TPRG1: variants seen among roughly 807,000 people sequenced by gnomAD.
TPRG1 encodes tumor protein p63-regulated gene 1 protein.
A neutral mutation model predicts 29.3 loss-of-function variants in TPRG1; 29 were observed. The observed-to-expected ratio is 0.99, with a 90% CI of 0.74 to 1.35. The LOEUF (loss-of-function observed/expected upper bound fraction) is 1.35. Among genes scored for constraint, TPRG1 ranks in the 40% most tolerant of loss-of-function variants. The pLI is 0.00. For missense variants in TPRG1, 327 were observed against 335.0 expected, an observed-to-expected ratio of 0.98 and a Z score of 0.19; for synonymous variants, 130 against 116.8, an observed-to-expected ratio of 1.11 and a Z score of -0.73.
In TPRG1 at chr3:189,004,791, C is replaced by A. The variant is rs1019372742; in HGVS notation, c.-660+31C>A. On this transcript the variant is annotated intron_variant, in intron 3 of 10. Transcript: ENST00000433971. ...TACGTGTATCACTAGAAATCTAGAT[C>A]TGGGGATTTAACCTCAGAAGCTTTC... 2.0e-5 allele frequency: 3 copies of A among 152,110 alleles called. No homozygotes were observed. In the East Asian group the frequency reaches 5.8e-4, roughly 29 times the overall value. The allele number at this position is 152,110 out of a possible 1,614,324, so 9.4% of individuals were successfully genotyped here.
chr3:189,272,368 A>T (rs1050016345), intron 4 of TPRG1, among the ~76,000 whole-genome samples: 18 of 152,256 alleles, frequency 1.2e-4, no homozygotes, highest in Admixed American at 9.8e-4. Context: ...GTGTGATTCT[A>T]GATGAGTTTC....
chr3:189,078,948 G>A (rs893571658), intron 4 of TPRG1, among the ~76,000 whole-genome samples: 12 of 152,148 alleles, frequency 7.9e-5, no homozygotes, highest in African/African-American at 2.7e-4. Flanking sequence ...TGTTTACATT[G>A]CTATTGAGGG....
Position 189,324,077 on chromosome 3 carries a change from T to C in TPRG1, c.*3257T>C, listed in dbSNP as rs1194126183. On this transcript the variant is annotated 3_prime_UTR_variant, in exon 6 of 6. Coordinates refer to ENST00000345063, the MANE Select transcript of TPRG1 (RefSeq NM_198485.4). ...GCCTGTTTGGAGGCCTGACCTTTGG[T>C]CATCTTAAGGTCATCTAAGGCAGAA... 1 of 152,110 alleles carries C rather than the reference T, an allele frequency of 6.6e-6. No homozygotes were observed. The highest frequency in any genetic ancestry group is 6.6e-5 in the Admixed American group (1 of 15,258). The allele number at this position is 152,110 out of a possible 1,614,324, so 9.4% of individuals were successfully genotyped here. A position where few individuals can be genotyped will look rare whatever the true frequency, so the allele number is the denominator to read the frequency against.
At chr3:189,302,394 G>A (rs935384652) in intron 4 of TPRG1, among the ~76,000 whole-genome samples, 4 of 152,130 alleles carry the variant, frequency 2.6e-5, no homozygotes, top group Non-Finnish European at 5.9e-5. Context: ...TTTCTATGAA[G>A]GATTTACTTA....
intron 3 of TPRG1, among the ~76,000 whole-genome samples, chr3:189,233,821 CTG>C (rs951554067): frequency 3.3e-5 from 5 of 152,112 alleles, no homozygotes; most frequent in African/African-American, 1.2e-4. Context: ...ATAGAGAAAA[CTG>C]TGATTAGGGC....
chr3:189,140,747 G>C (rs533114749), intron 3 of TPRG1, among the ~76,000 whole-genome samples: 1 of 152,174 alleles, frequency 6.6e-6, no homozygotes, highest in Non-Finnish European at 1.5e-5. Flanking sequence ...GGTATTTCAA[G>C]AGGGTAATCA....
upstream of TPRG1, among the ~76,000 whole-genome samples, chr3:189,167,696 G>A (rs1248585333): frequency 6.6e-6 from 1 of 152,198 alleles, no homozygotes; most frequent in Non-Finnish European, 1.5e-5. Flanking sequence ...AGAAAGTCAG[G>A]TGAGGATCTG....
intron 4 of TPRG1, among the ~76,000 whole-genome samples, chr3:189,289,873 C>CA (rs1560657779): frequency 6.6e-6 from 1 of 152,126 alleles, no homozygotes; most frequent in Non-Finnish European, 1.5e-5. Context: ...TCTCAGGTAA[C>CA]AGAGTTGTTA....
intron 1 of TPRG1, among the ~76,000 whole-genome samples, chr3:189,109,215 G>A (rs996936044): frequency 1.3e-5 from 2 of 152,112 alleles, no homozygotes; most frequent in African/African-American, 2.4e-5. Flanking sequence ...GATTTCTGTC[G>A]TCCGGAGGAA....
intron 3 of TPRG1, among the ~76,000 whole-genome samples, chr3:189,021,877 C>A (rs1019489664): frequency 6.6e-6 from 1 of 152,196 alleles, no homozygotes; most frequent in Non-Finnish European, 1.5e-5. Flanking sequence ...ACCAATGAGA[C>A]GTAGATTTGG....
At chr3:189,092,332 T>C (rs778870036) in intron 4 of TPRG1, among the ~76,000 whole-genome samples, 5 of 152,194 alleles carry the variant, frequency 3.3e-5, no homozygotes, top group Admixed American at 6.5e-5. Flanking sequence ...GATGGTGATG[T>C]TGCTGGTCTG....
chr3:189,280,361 G>A (rs1716915770), intron 4 of TPRG1, among the ~76,000 whole-genome samples: 1 of 151,500 alleles, frequency 6.6e-6, no homozygotes, highest in Non-Finnish European at 1.5e-5. Flanking sequence ...AGGACTTACT[G>A]AACATTGACT....
chr3:189,138,985 T>C (rs1381950713), intron 3 of TPRG1, among the ~76,000 whole-genome samples: 3 of 151,986 alleles, frequency 2.0e-5, no homozygotes, highest in Middle Eastern at 6.3e-3. Context: ...AAAAATCTGC[T>C]CCAGCCATGA....
chr3:189,227,165 A>G (rs888604819), intron 3 of TPRG1, among the ~76,000 whole-genome samples: 1 of 152,014 alleles, frequency 6.6e-6, no homozygotes, highest in African/African-American at 2.4e-5. Flanking sequence ...AAAAAGAAAA[A>G]AAAGAAAAAA....
At chr3:189,302,218 T>C (rs762834243) in intron 4 of TPRG1, among the ~76,000 whole-genome samples, 1 of 152,210 alleles carries the variant, frequency 6.6e-6, no homozygotes, top group Non-Finnish European at 1.5e-5. Flanking sequence ...GCTTGTTTTA[T>C]ATCTTTCGAG....
At chr3:189,231,265 C>CATATATAT (rs149177739) in intron 3 of TPRG1, among the ~76,000 whole-genome samples, 8,074 of 144,144 alleles carry the variant, frequency 0.056, 347 homozygotes, top group Admixed American at 0.14. Context: ...ACCTATAAAA[C>CATATATAT]ATATATATAT....
intron 3 of TPRG1, among the ~76,000 whole-genome samples, chr3:189,020,197 A>G (rs113839280): frequency 4.5e-4 from 67 of 149,382 alleles, no homozygotes; most frequent in African/African-American, 1.6e-3. Context: ...TGGATTCATT[A>G]ATTTTTTGAA....
chr3:189,114,345 C>T (rs968442587), intron 1 of TPRG1, among the ~76,000 whole-genome samples: 5 of 152,030 alleles, frequency 3.3e-5, no homozygotes, highest in African/African-American at 7.2e-5. Flanking sequence ...TGCAGTGATG[C>T]GATCTCGGCT....
At chr3:189,017,229 AT>A (rs1191851078) in intron 3 of TPRG1, among the ~76,000 whole-genome samples, 7 of 145,268 alleles carry the variant, frequency 4.8e-5, no homozygotes, top group South Asian at 2.1e-4. Context: ...TAAAATATAT[AT>A]TTTTTTATAT....
Sources: gnomAD v4.1 joint callset for allele counts (sites outside exome capture counted in the v4.1 genomes callset) on GRCh38, gnomAD v4.1.1 for gene constraint, MANE v1.5 for transcripts, NCBI Gene and HGNC (gene_info 2026-07-23, HGNC 2026-07-21) for gene names.